MBOAT2: variants seen among roughly 807,000 people sequenced by gnomAD.
MBOAT2 encodes the protein membrane bound glycerophospholipid O-acyltransferase 2.
Under a neutral mutation model 63.4 loss-of-function variants are expected in MBOAT2, and 28 were observed. The observed-to-expected ratio is 0.44, with a 90% CI of 0.33 to 0.61. MBOAT2 has a LOEUF of 0.61. Among genes scored for constraint, MBOAT2 ranks in the 20% least tolerant of loss-of-function variants. MBOAT2 has a pLI of 0.03. For missense variants in MBOAT2, 470 were observed against 605.8 expected (o/e 0.78, Z 2.35); for synonymous variants, 211 against 215.6 (o/e 0.98, Z 0.19).
chr2:8,867,992 T>A (rs1662025176), intron 9 of MBOAT2, among the ~76,000 whole-genome samples: 1 of 152,062 alleles, frequency 6.6e-6, no homozygotes, highest in Non-Finnish European at 1.5e-5. Flanking sequence ...CCTTCATGAC[T>A]CCCTAAACTA....
intron 4 of MBOAT2, among the ~76,000 whole-genome samples, chr2:8,905,334 G>C (rs1665248902): frequency 6.6e-6 from 1 of 151,504 alleles, no homozygotes; most frequent in Non-Finnish European, 1.5e-5. Context: ...TCTCCCTTGT[G>C]CCCATTAAAA....
intron 1 of MBOAT2, among the ~76,000 whole-genome samples, chr2:8,967,841 C>T (rs1284736918): frequency 1.3e-5 from 2 of 152,102 alleles, no homozygotes; most frequent in Non-Finnish European, 2.9e-5. Flanking sequence ...AACTTCATCA[C>T]ATAAATATAA....
intron 3 of MBOAT2, among the ~76,000 whole-genome samples, chr2:8,936,801 AAAAAGAAAAG>A (rs1354969974): frequency 4.7e-5 from 7 of 149,412 alleles, no homozygotes; most frequent in Non-Finnish European, 8.9e-5. Context: ...AAAAAAAAAA[AAAAAGAAAAG>A]AAAAAGAAAA....
At chr2:8,896,238 C>CAAAA (rs967667476) in intron 4 of MBOAT2, among the ~76,000 whole-genome samples, 5 of 51,234 alleles carry the variant, frequency 9.8e-5, no homozygotes, top group South Asian at 1.4e-3. Context: ...GACTCCGTCT[C>CAAAA]AAAAAAAAAA....
chr2:8,983,219 C>A (rs1671323239), intron 1 of MBOAT2, among the ~76,000 whole-genome samples: 1 of 152,000 alleles, frequency 6.6e-6, no homozygotes. Flanking sequence ...CATATTTTCA[C>A]AAATACATAT....
Position 8,862,620 on chromosome 2 carries a change from T to C in MBOAT2, c.1155A>G (p.Thr385=), listed in dbSNP as rs754230456. ...VYPGYYLTFL[T]GVLMTLAARA... The stretch of plus-strand genomic sequence containing the variant: ...TTGCTGCTAATGTCATTAACACCCC[T>C]GTTAGAAACGTTAGATAATATCCTG... Residue 385 remains threonine (T), a synonymous_variant, in exon 11 of 13, where the codon ACA becomes ACG. Transcript: ENST00000305997. The surrounding 1 kb of genome is among the most constrained non-coding windows in gnomAD (Gnocchi z 4.3). The C allele has an allele frequency of 2.5e-6, 4 of 1,612,684 alleles. No individual in the cohort carries two copies. The highest frequency in any genetic ancestry group is 3.4e-6 in the Non-Finnish European group (4 of 1,179,692).
In MBOAT2 at chr2:8,862,451, A is replaced by G. The variant is rs751501634; in HGVS notation, c.1185+139T>C. 6.1e-6 allele frequency: 8 copies of G among 1,312,678 alleles called. No homozygotes were observed. The highest frequency in any genetic ancestry group is 8.4e-6 in the Non-Finnish European group (8 of 955,474). 81.3% of individuals were successfully genotyped at this position (1,312,678 alleles called of 1,614,324 possible). A position where few individuals can be genotyped will look rare whatever the true frequency, so the allele number is the denominator to read the frequency against. On this transcript the variant is annotated intron_variant, in intron 11 of 12. Transcript: ENST00000305997. This position sits in a 1 kb window ranked among gnomAD's most constrained non-coding sequence, Gnocchi z 4.3. Reference sequence around the variant, plus strand: ...AGCGCTCAGCAAACATGCACGCAGTACACACCTCGCTTCTAGTGGAAAGGA... The same window carrying G: ...AGCGCTCAGCAAACATGCACGCAGTGCACACCTCGCTTCTAGTGGAAAGGA...
chr2:8,978,061 C>T (rs1670943739), intron 1 of MBOAT2, among the ~76,000 whole-genome samples: 1 of 152,108 alleles, frequency 6.6e-6, no homozygotes, highest in African/African-American at 2.4e-5. Context: ...AGACATGAGG[C>T]CACCAATACC....
intron 1 of MBOAT2, among the ~76,000 whole-genome samples, chr2:8,995,366 T>C (rs955666223): frequency 4.6e-5 from 7 of 152,186 alleles, no homozygotes; most frequent in African/African-American, 1.4e-4. Flanking sequence ...TATGAGATTA[T>C]ACATACAGTC....
At position 8,920,979 on chromosome 2, in the gene MBOAT2, C is replaced by CA. The variant is rs1408943321; in HGVS notation, c.300-12264dup. 4.6e-5 allele frequency among the ~76,000 whole-genome samples: 7 copies of CA among 152,310 alleles called. No individual in the cohort carries two copies. In the East Asian group the frequency reaches 1.3e-3, roughly 29 times the overall value. ...TACATCTTTTCCACTCTTTTACCTT[C>CA]AGCCTACTCATGTCTTTAATGTGTT... is the stretch of plus-strand genomic sequence containing the variant. On this transcript the variant is annotated intron_variant, in intron 3 of 12. Transcript: ENST00000305997.
At chr2:8,864,340 G>T in intron 9 of MBOAT2, 106 bp from the exon 10 acceptor site, 2 of 577,696 alleles carry the variant, frequency 3.5e-6, no homozygotes, top group Non-Finnish European at 5.7e-6. Flanking sequence ...ACTTAACATC[G>T]ATGGTAGTAT....
At chr2:9,000,677 A>G (rs183368091) in intron 1 of MBOAT2, among the ~76,000 whole-genome samples, 71 of 152,290 alleles carry the variant, frequency 4.7e-4, no homozygotes, top group South Asian at 2.5e-3. Flanking sequence ...TCTGCTACAC[A>G]CCTAGACCAG....
At chr2:9,002,285 A>G (rs753139993) in intron 1 of MBOAT2, among the ~76,000 whole-genome samples, 14 of 152,206 alleles carry the variant, frequency 9.2e-5, no homozygotes, top group African/African-American at 1.4e-4. Context: ...TGGAATTTCA[A>G]CAGAAGCCAC....
intron 1 of MBOAT2, chr2:8,974,222 T>C (rs1384404140): frequency 5.3e-6 from 2 of 380,630 alleles, no homozygotes; most frequent in Non-Finnish European, 1.1e-5. Flanking sequence ...GAATAGTGAC[T>C]GGTCTCAGCC....
chr2:8,914,520 G>A (rs922726826), intron 3 of MBOAT2, among the ~76,000 whole-genome samples: 12 of 151,356 alleles, frequency 7.9e-5, no homozygotes, highest in East Asian at 1.9e-4. Context: ...AGTGTTTTGT[G>A]AGAATCAACG....
rs1395602663 is a variant in MBOAT2 at position 8,854,238 on chromosome 2, T to C, written c.*4441A>G. The C allele has an allele frequency of 6.6e-6, 1 of 152,228 alleles. No homozygotes were observed. Among genetic ancestry groups the C allele is most frequent in the Admixed American group, 6.5e-5 (1 of 15,284 alleles). 9.4% of individuals were successfully genotyped at this position (152,228 alleles called of 1,614,324 possible). On this transcript the variant is annotated 3_prime_UTR_variant, in exon 13 of 13. Transcript: ENST00000305997. The stretch of plus-strand genomic sequence containing the variant: ...TTTCTCTCCTTAAATGCAAATCTTT[T>C]GCTTCAGCATTGGGAGCACGCGTTC...
Position 8,860,657 on chromosome 2 carries a change from C to T in MBOAT2, c.1293G>A (p.Val431=). The T allele has an allele frequency of 6.2e-7, 1 of 1,613,282 alleles. No homozygotes were observed. The part of the protein sequence containing the change: ...VTQVAISYTV[V]PFVLLSIKPS... Reference sequence around the variant, plus strand: ...GTTTTATAGAAAGAAGCACAAATGGCACAACTGTGTAACTTATTGCTACTT... The same window carrying T: ...GTTTTATAGAAAGAAGCACAAATGGTACAACTGTGTAACTTATTGCTACTT... The change falls in exon 12 of 13, where the codon GTG becomes GTA. Residue 431 remains valine, a synonymous_variant. Transcript: ENST00000305997.
chr2:8,899,864 T>C (rs540879084), intron 4 of MBOAT2, among the ~76,000 whole-genome samples: 1 of 152,340 alleles, frequency 6.6e-6, no homozygotes, highest in South Asian at 2.1e-4. Flanking sequence ...GTCCCTATTA[T>C]AGAACACCGA....
intron 2 of MBOAT2, among the ~76,000 whole-genome samples, chr2:8,945,034 A>G (rs1381300610): frequency 1.3e-5 from 2 of 152,170 alleles, no homozygotes; most frequent in East Asian, 1.9e-4. Context: ...TATGAGGGAT[A>G]TATCATAACT....
Sources: allele counts gnomAD v4.1 joint callset (sites outside exome capture counted in the v4.1 genomes callset), GRCh38; gene constraint gnomAD v4.1.1; non-coding constraint Gnocchi (gnomAD v3.1); transcripts MANE v1.5; gene names NCBI Gene and HGNC (gene_info 2026-07-23, HGNC 2026-07-21).